CELF2: variants seen among roughly 807,000 people sequenced by gnomAD.
The protein encoded by CELF2 is CUGBP Elav-like family member 2, also known as CUG triplet repeat RNA-binding protein 2.
Under a neutral mutation model 62.6 loss-of-function variants are expected in CELF2, and 8 were observed. The ratio of observed to expected loss-of-function variants is 0.13; its 90% CI spans 0.07 to 0.23. CELF2 has a LOEUF of 0.23. Among genes scored for constraint, CELF2 ranks in the 10% least tolerant of loss-of-function variants. The pLI is 1.00. For missense variants in CELF2, 333 were observed against 671.0 expected, an observed-to-expected ratio of 0.50 and a Z score of 5.56; for synonymous variants, 258 against 250.0, an observed-to-expected ratio of 1.03 and a Z score of -0.30.
At position 10,851,726 on chromosome 10, in the gene CELF2, G is replaced by A. The variant is rs181499112; in HGVS notation, c.53+52909G>A. Among the ~76,000 whole-genome samples, 118 of 152,256 alleles carry A rather than the reference G, an allele frequency of 7.8e-4. 1 individual carries two copies. The highest frequency in any genetic ancestry group is 1.2e-3 in the Non-Finnish European group (85 of 68,018). ...GATAAATGAATTGTATCCAGAATACGTACAAGGAACTCTCAAAACTCAATA... is the reference window on the plus strand; with the variant it reads ...GATAAATGAATTGTATCCAGAATACATACAAGGAACTCTCAAAACTCAATA... On this transcript the variant is annotated intron_variant, in intron 1 of 13. Transcript: ENST00000636488.
At chr10:10,747,639 A>G in the CELF2 span, among the ~76,000 whole-genome samples, 1 of 152,180 alleles carries the variant, frequency 6.6e-6, no homozygotes, top group African/African-American at 2.4e-5. Context: ...CAGGATGTAA[A>G]AAAGGGCCAA....
chr10:10,837,118 C>G (rs532897478), intron 1 of CELF2, among the ~76,000 whole-genome samples: 1 of 152,298 alleles, frequency 6.6e-6, no homozygotes, highest in African/African-American at 2.4e-5. Context: ...TTGGTTGTGT[C>G]CCCACCCAAA....
intron 1 of CELF2, among the ~76,000 whole-genome samples, chr10:11,090,188 G>GAAA (rs111809755): frequency 7.3e-6 from 1 of 136,414 alleles, no homozygotes. Flanking sequence ...GAAATTTGGG[G>GAAA]AAAAAAAAAA....
At chr10:10,532,942 G>A in the CELF2 span, among the ~76,000 whole-genome samples, 4 of 150,792 alleles carry the variant, frequency 2.7e-5, no homozygotes, top group Admixed American at 2.6e-4. Context: ...TGCAAATATT[G>A]GCGGGAGAGT....
At chr10:10,598,911 C>T in the CELF2 span, among the ~76,000 whole-genome samples, 1 of 151,522 alleles carries the variant, frequency 6.6e-6, no homozygotes, top group Admixed American at 6.6e-5. Flanking sequence ...CACCACCACG[C>T]CTGGCTTATT....
intron 2 of CELF2, among the ~76,000 whole-genome samples, chr10:11,170,157 G>A (rs1347010351): frequency 6.6e-6 from 1 of 152,194 alleles, no homozygotes; most frequent in African/African-American, 2.4e-5. Flanking sequence ...ATGATAAGTT[G>A]TACAGCAAAG....
intron 2 of CELF2, among the ~76,000 whole-genome samples, chr10:10,965,871 C>T (rs542942363): frequency 6.6e-6 from 1 of 152,202 alleles, no homozygotes; most frequent in African/African-American, 2.4e-5. Flanking sequence ...CAGTTATTAC[C>T]CAACTTATGA....
chr10:11,083,361 G>A (rs532641935), intron 1 of CELF2, among the ~76,000 whole-genome samples: 1 of 152,250 alleles, frequency 6.6e-6, no homozygotes, highest in Admixed American at 6.5e-5. Flanking sequence ...TTCTAGGAAG[G>A]AACCCTTAAA....
rs1462790065 is a variant in CELF2, at chr10:11,285,284, A to G, written c.842-3134A>G. Among the ~76,000 whole-genome samples the G allele has an allele frequency of 1.3e-5, 2 of 152,072 alleles. No individual in the cohort carries two copies. Among genetic ancestry groups the G allele is most frequent in the East Asian group, 3.8e-4 (2 of 5,196 alleles). On this transcript the variant is annotated intron_variant, in intron 8 of 12. Transcript: ENST00000633077. This position sits in a 1 kb window ranked among gnomAD's most constrained non-coding sequence, Gnocchi z 4.3. ...CAGTGTCCTCTCCTTTCCACTCTTC[A>G]TCTCAGCTTCCTTGACTCATAGTTT...
At chr10:11,121,285 GCT>G (rs1315739141) in intron 1 of CELF2, among the ~76,000 whole-genome samples, 2 of 152,150 alleles carry the variant, frequency 1.3e-5, no homozygotes, top group Non-Finnish European at 2.9e-5. Context: ...GTCTCTGTGG[GCT>G]TGTGAATAAA....
In CELF2 at chr10:11,331,333, T is replaced by TTTCATGTGAGGGAAAAAAAAAAAACC. The variant is rs1205813794; in HGVS notation, c.*2282_*2307dup. The TTTCATGTGAGGGAAAAAAAAAAAACC allele has an allele frequency of 1.1e-4, 17 of 150,360 alleles. No individual in the cohort carries two copies. The allele number at this position is 150,360 out of a possible 1,614,324, so 9.3% of individuals were successfully genotyped here. A position where few individuals can be genotyped will look rare whatever the true frequency, so the allele number is the denominator to read the frequency against. Reference sequence around the variant, plus strand: ...AAAAAAGTTGTTTGCTTAAAAAAAATTTCATGTGAGGGAAAAAAAAAAAAC... The same window carrying TTTCATGTGAGGGAAAAAAAAAAAACC: ...AAAAAAGTTGTTTGCTTAAAAAAAATTTCATGTGAGGGAAAAAAAAAAAACCTTCATGTGAGGGAAAAAAAAAAAAC... On this transcript the variant is annotated 3_prime_UTR_variant, in exon 13 of 13. Coordinates refer to ENST00000633077, the MANE Select transcript of CELF2 (RefSeq NM_001326342.2).
rs974778059 is a variant in CELF2, at chr10:11,260,430, A to G, written c.538+2558A>G. On this transcript the variant is annotated intron_variant, in intron 5 of 12. Transcript: ENST00000633077. The surrounding 1 kb of genome is among the most constrained non-coding windows in gnomAD (Gnocchi z 4.2). ...GAGCATACATCAGTTATTTCTGCAG[A>G]TCAGGTTTTAAAGCAGCCAGAACCT... Among the ~76,000 whole-genome samples, 18 of 152,210 alleles carry G rather than the reference A, an allele frequency of 1.2e-4. No homozygotes were observed. Among genetic ancestry groups the G allele is most frequent in the Non-Finnish European group, 2.5e-4 (17 of 68,040 alleles).
the CELF2 span, among the ~76,000 whole-genome samples, chr10:10,522,924 AG>A: frequency 6.6e-6 from 1 of 152,188 alleles, no homozygotes; most frequent in Non-Finnish European, 1.5e-5. Flanking sequence ...GAAGGCATTT[AG>A]TATGTGGTCA....
At chr10:10,689,557 A>T in the CELF2 span, among the ~76,000 whole-genome samples, 1 of 152,236 alleles carries the variant, frequency 6.6e-6, no homozygotes, top group African/African-American at 2.4e-5. Flanking sequence ...ACTTCATAGC[A>T]CTATGAAATA....
intron 1 of CELF2, among the ~76,000 whole-genome samples, chr10:11,100,203 CAAAATAAATAAATAAAT>C (rs1043889978): frequency 3.3e-5 from 5 of 150,710 alleles, no homozygotes; most frequent in African/African-American, 1.2e-4. Context: ...GACTCTGTCT[CAAAATAAATAAATAAAT>C]AAAATAAATA....
At chr10:10,994,411 A>G (rs2053738380) in intron 2 of CELF2, among the ~76,000 whole-genome samples, 1 of 152,196 alleles carries the variant, frequency 6.6e-6, no homozygotes, top group Non-Finnish European at 1.5e-5. Context: ...ATTGTTTACT[A>G]TGTTGAATGC....
chr10:10,586,311 C>T, the CELF2 span, among the ~76,000 whole-genome samples: 1 of 152,054 alleles, frequency 6.6e-6, no homozygotes, highest in Non-Finnish European at 1.5e-5. Flanking sequence ...CCTGGAATAA[C>T]AAAAAGGCCA....
the CELF2 span, among the ~76,000 whole-genome samples, chr10:10,718,107 G>A: frequency 1.2e-4 from 19 of 152,038 alleles, 1 homozygote; most frequent in African/African-American, 2.4e-5. Context: ...ATCTTAAAAG[G>A]ATGAAGCTAC....
At chr10:10,477,516 C>A in the CELF2 span, among the ~76,000 whole-genome samples, 1 of 152,012 alleles carries the variant, frequency 6.6e-6, no homozygotes, top group African/African-American at 2.4e-5. Flanking sequence ...TGAAGCTAAC[C>A]CCCTCTTAAT....
Sources: gnomAD v4.1 joint callset for allele counts (sites outside exome capture counted in the v4.1 genomes callset) on GRCh38, gnomAD v4.1.1 for gene constraint, Gnocchi (gnomAD v3.1) non-coding constraint, MANE v1.5 for transcripts, NCBI Gene and HGNC (gene_info 2026-07-23, HGNC 2026-07-21) for gene names.